The following SLC36A2 variants were observed in gnomAD, a reference collection of about 807,000 sequenced individuals.
SLC36A2 encodes the protein proton-coupled amino acid transporter 2.
In SLC36A2, 39 loss-of-function variants were observed where a neutral mutation model predicts 42.7. The observed-to-expected ratio is 0.91, with a 90% CI of 0.71 to 1.19. The LOEUF (loss-of-function observed/expected upper bound fraction) is 1.19. Ranked by LOEUF, SLC36A2 falls within the 50% of genes most tolerant of loss-of-function variation. The pLI is 0.00. For missense variants in SLC36A2, 590 were observed against 613.7 expected (o/e 0.96, Z 0.41); for synonymous variants, 237 against 240.8 (o/e 0.98, Z 0.15).
intron 9 of SLC36A2, among the ~76,000 whole-genome samples, chr5:151,318,210 G>A (rs6891202): frequency 1.3e-5 from 2 of 151,744 alleles, no homozygotes. Flanking sequence ...TTATGCTACC[G>A]AGGTGCATTT....
chr5:151,341,260 C>T (rs1756336518), intron 4 of SLC36A2, among the ~76,000 whole-genome samples: 2 of 152,194 alleles, frequency 1.3e-5, no homozygotes, highest in Non-Finnish European at 2.9e-5. Flanking sequence ...ACAGGCAAGT[C>T]TCCTCCTGGG....
intron 7 of SLC36A2, among the ~76,000 whole-genome samples, chr5:151,326,559 G>A (rs776603717): frequency 6.6e-6 from 1 of 152,142 alleles, no homozygotes; most frequent in Non-Finnish European, 1.5e-5. Context: ...TCCCCTAAAT[G>A]CATACCTGGT....
At chr5:151,323,748 C>T (rs531314936) in intron 8 of SLC36A2, among the ~76,000 whole-genome samples, 3 of 152,344 alleles carry the variant, frequency 2.0e-5, no homozygotes, top group African/African-American at 7.2e-5. Context: ...TGTGTACATA[C>T]ACTATCTGTT....
At position 151,322,149 on chromosome 5, in the gene SLC36A2, G is replaced by A. The variant is rs745409983; in HGVS notation, c.1077C>T (p.Tyr359=). Residue 359 remains tyrosine (Y), a synonymous_variant, in exon 9 of 10, where the codon TAC becomes TAT. Coordinates refer to ENST00000335244, the MANE Select transcript of SLC36A2 (RefSeq NM_181776.3). The part of the protein sequence containing the change: ...GILCTYALQF[Y]VPAEIIIPFA... The stretch of plus-strand genomic sequence containing the variant: ...AGGGGATGATGATTTCTGCAGGGAC[G>A]TAGAACTGCAGGGCATAGGTGCACA... 6.8e-6 allele frequency: 11 copies of A among 1,614,134 alleles called. No individual in the cohort carries two copies. Among genetic ancestry groups the A allele is most frequent in the East Asian group, 2.2e-5 (1 of 44,880 alleles).
chr5:151,316,461 C>A lies in SLC36A2; in HGVS notation c.*356G>T. On this transcript the variant is annotated 3_prime_UTR_variant, in exon 10 of 10. Transcript: ENST00000335244. Reference sequence around the variant, plus strand: ...GATAATGCATATAAAAGAGATCTGGCCAGGCGAGGTGGCTCACGCCTGTGA... The same window carrying A: ...GATAATGCATATAAAAGAGATCTGGACAGGCGAGGTGGCTCACGCCTGTGA... The A allele has an allele frequency of 3.7e-6, 1 of 268,298 alleles. No individual in the cohort carries two copies. The allele number at this position is 268,298 out of a possible 1,614,324, so 16.6% of individuals were successfully genotyped here. A position where few individuals can be genotyped will look rare whatever the true frequency, so the allele number is the denominator to read the frequency against.
At chr5:151,333,442 A>T in intron 6 of SLC36A2, 120 bp from the exon 7 acceptor site, 1 of 839,948 alleles carries the variant, frequency 1.2e-6, no homozygotes, top group Non-Finnish European at 2.0e-6. Context: ...AGAAGTTTAG[A>T]AAACTTCAAA....
intron 5 of SLC36A2, 66 bp downstream of exon 5, chr5:151,338,994 C>T (rs1756240299): frequency 4.1e-6 from 5 of 1,208,610 alleles, no homozygotes; most frequent in Non-Finnish European, 4.9e-6. Flanking sequence ...AGCAGTTTGT[C>T]AAACAACTAG....
At chr5:151,323,503 T>C (rs1171716275) in intron 8 of SLC36A2, among the ~76,000 whole-genome samples, 2 of 152,184 alleles carry the variant, frequency 1.3e-5, no homozygotes, top group African/African-American at 2.4e-5. Context: ...AACTCCAGTT[T>C]ATAAATGAGG....
chr5:151,342,472 G>C (rs73281853), intron 4 of SLC36A2, among the ~76,000 whole-genome samples: 8 of 152,136 alleles, frequency 5.3e-5, no homozygotes, highest in Non-Finnish European at 1.0e-4. Flanking sequence ...TAACCTGCCT[G>C]GTGGCAACCA....
At chr5:151,338,896 G>A (rs1261939332) in intron 5 of SLC36A2, 164 bp downstream of exon 5, 1 of 612,956 alleles carries the variant, frequency 1.6e-6, no homozygotes, top group African/African-American at 1.8e-5. Context: ...ACCACACAGA[G>A]ATCTTCAGAT....
At chr5:151,344,487 C>T (rs1053848448) in intron 1 of SLC36A2, among the ~76,000 whole-genome samples, 1 of 152,220 alleles carries the variant, frequency 6.6e-6, no homozygotes, top group Admixed American at 6.5e-5. Context: ...ATATATGCTG[C>T]AACACTTACT....
At chr5:151,317,305 A>T (rs1030249786) in intron 9 of SLC36A2, among the ~76,000 whole-genome samples, 1 of 152,012 alleles carries the variant, frequency 6.6e-6, no homozygotes, top group African/African-American at 2.4e-5. Context: ...TACAAAAATC[A>T]GCCGGGTGTG....
chr5:151,344,113 G>C, intron 2 of SLC36A2, 64 bp downstream of exon 2: 1 of 1,474,968 alleles, frequency 6.8e-7, no homozygotes, highest in South Asian at 1.2e-5. Flanking sequence ...AACCGCTAGA[G>C]CCTCTCCTCT....
At chr5:151,322,807 C>G (rs1052769440) in intron 8 of SLC36A2, among the ~76,000 whole-genome samples, 1 of 152,202 alleles carries the variant, frequency 6.6e-6, no homozygotes, top group Non-Finnish European at 1.5e-5. Context: ...ACTTGCCAGC[C>G]TCAAGCTAGG....
At position 151,344,196 on chromosome 5, in the gene SLC36A2, A is replaced by T. The variant is rs1222337871; in HGVS notation, c.236T>A (p.Val79Glu). ...TCTTACCAGGATGCCCGCGTTCTTC[A>T]CAGCGAGGGGTAGTCCCAGGATCCC... ...GTGILGLPLA[V>E]KNAGILMGPL... The change falls in exon 2 of 10, where the codon GTG (valine) becomes GAG (glutamate). Residue 79 changes from valine (V) to glutamate (E), a missense_variant. By Grantham distance (121) the Val-to-Glu change is moderately radical (BLOSUM62 -2). Transcript: ENST00000335244. 2 of 1,614,156 alleles carry T rather than the reference A, an allele frequency of 1.2e-6. No individual in the cohort carries two copies. Among genetic ancestry groups the T allele is most frequent in the Admixed American group, 3.3e-5 (2 of 60,022 alleles).
chr5:151,321,949 A>G (rs1755705159), intron 9 of SLC36A2, 97 bp downstream of exon 9: 1 of 1,518,666 alleles, frequency 6.6e-7, no homozygotes, highest in African/African-American at 1.4e-5. Flanking sequence ...AAGTGCCAGG[A>G]TTACAGGTGT....
At chr5:151,323,709 T>C (rs1174052066) in intron 8 of SLC36A2, among the ~76,000 whole-genome samples, 2 of 152,234 alleles carry the variant, frequency 1.3e-5, no homozygotes, top group African/African-American at 4.8e-5. Flanking sequence ...TTTGCTACTC[T>C]GGAGAGCTTC....
chr5:151,323,174 G>A (rs1336777322), intron 8 of SLC36A2, among the ~76,000 whole-genome samples: 1 of 152,102 alleles, frequency 6.6e-6, no homozygotes, highest in Non-Finnish European at 1.5e-5. Flanking sequence ...GGTAGAGGTT[G>A]CAGTGAGCTG....
chr5:151,326,251 C>G (rs927256502), intron 7 of SLC36A2, among the ~76,000 whole-genome samples: 13 of 152,200 alleles, frequency 8.5e-5, no homozygotes, highest in Admixed American at 6.5e-4. Context: ...CACAGTCTTT[C>G]GACAATTGAA....
Sources: allele counts gnomAD v4.1 joint callset (sites outside exome capture counted in the v4.1 genomes callset), GRCh38; gene constraint gnomAD v4.1.1; transcripts MANE v1.5; gene names NCBI Gene and HGNC (gene_info 2026-07-23, HGNC 2026-07-21).